Variants in EFCAB13 observed in about 807,000 individuals in gnomAD.
EFCAB13 encodes the protein EF-hand calcium-binding domain-containing protein 13.
EFCAB13 carries 91 observed loss-of-function variants against 110.2 expected under a neutral mutation model. That is an observed-to-expected ratio of 0.83 (90% CI 0.70 to 0.98). The LOEUF is 0.98. EFCAB13 is among the 50% of genes least tolerant of loss of function. The probability of loss-of-function intolerance (pLI) is 0.00; values close to 1 mark genes in which losing one functional copy is unlikely to be tolerated. For synonymous variants in EFCAB13, 323 were observed against 369.9 expected, an observed-to-expected ratio of 0.87 and a Z score of 1.45; for missense variants, 968 against 1,119.4, an observed-to-expected ratio of 0.86 and a Z score of 1.93.
rs373298768 is a variant in EFCAB13 at position 47,361,047 on chromosome 17, T to C, written c.662-331T>C. On this transcript the variant is annotated intron_variant, in intron 9 of 24. Coordinates refer to ENST00000331493, the MANE Select transcript of EFCAB13 (RefSeq NM_152347.5). ...TGTTTTAAAATTATAGACTCTGACA[T>C]TCAAAAGTAGATGTCTTGGGGACCC... Among the ~76,000 whole-genome samples, 107 of 152,328 alleles carry C rather than the reference T, an allele frequency of 7.0e-4. 1 individual carries two copies. The South Asian group carries it at 0.021, about 30-fold the overall frequency.
rs1905307410 is a variant in EFCAB13, at chr17:47,440,830, AT to A, written c.*121del. ...TAAAACTTTTGACAAATCCAGTAGA[AT>A]TTTTATCACTATCTGTTATGTTCTC... is the stretch of plus-strand genomic sequence containing the variant. On this transcript the variant is annotated 3_prime_UTR_variant, in exon 25 of 25. Transcript: ENST00000331493. 3 of 835,894 alleles carry A rather than the reference AT, an allele frequency of 3.6e-6. No homozygotes were observed. The highest frequency in any genetic ancestry group is 3.5e-5 in the Admixed American group (1 of 28,454). The allele number at this position is 835,894 out of a possible 1,614,324, so 51.8% of individuals were successfully genotyped here.
chr17:47,330,929 A>G (rs1567778635), intron 4 of EFCAB13, among the ~76,000 whole-genome samples: 2 of 151,984 alleles, frequency 1.3e-5, no homozygotes, highest in African/African-American at 2.4e-5. Context: ...CTGCACCAAC[A>G]TTTATTGTTT....
intron 23 of EFCAB13, among the ~76,000 whole-genome samples, chr17:47,427,115 A>G (rs780711555): frequency 8.5e-5 from 13 of 152,118 alleles, no homozygotes; most frequent in Non-Finnish European, 1.3e-4. Context: ...TGTAGTAGCT[A>G]CTGATTAAAA....
At chr17:47,435,717 A>C (rs1433324646) in intron 24 of EFCAB13, among the ~76,000 whole-genome samples, 2 of 88,152 alleles carry the variant, frequency 2.3e-5, no homozygotes, top group Admixed American at 2.0e-4. Flanking sequence ...TTTTGAGGTA[A>C]ACAATCATCA....
intron 24 of EFCAB13, among the ~76,000 whole-genome samples, chr17:47,439,246 G>A (rs906112447): frequency 7.6e-5 from 10 of 132,104 alleles, no homozygotes; most frequent in African/African-American, 2.3e-4. Flanking sequence ...GCACATTCTC[G>A]GCTCACTGCA....
Position 47,440,675 on chromosome 17 carries a change from G to C in EFCAB13, c.2883G>C (p.Lys961Asn), listed in dbSNP as rs765415178. 4 of 1,596,770 alleles carry C rather than the reference G, an allele frequency of 2.5e-6. No homozygotes were observed. The South Asian group carries it at 4.6e-5, about 18-fold the overall frequency. The change falls in exon 25 of 25, where the codon AAG (lysine) becomes AAC (asparagine). Residue 961 changes from lysine to asparagine, a missense_variant. Physicochemically the swap from Lys to Asn is moderately conservative, Grantham distance 94. Transcript: ENST00000331493. ...TACATAACTTCTGTTTGAATTCTAAGGCAAATATTGCTAAGCTTAACCCAA... is the reference window on the plus strand; with the variant it reads ...TACATAACTTCTGTTTGAATTCTAACGCAAATATTGCTAAGCTTAACCCAA... Reference protein sequence around the residue: ...ISLHNFCLNSKANIAKLNPNS... With the variant: ...ISLHNFCLNSNANIAKLNPNS...
chr17:47,393,939 G>T, intron 15 of EFCAB13, 86 bp from the exon 16 acceptor site: 1 of 645,784 alleles, frequency 1.5e-6, no homozygotes, highest in Non-Finnish European at 2.5e-6. Flanking sequence ...ATATATTTCT[G>T]AATATATAAC....
chr17:47,419,867 A>T lies in EFCAB13; in HGVS notation c.2494+4948A>T, dbSNP rs537010413. Among the ~76,000 whole-genome samples the T allele has an allele frequency of 3.5e-3, 532 of 151,878 alleles. 3 individuals are homozygous for T. Among genetic ancestry groups the T allele is most frequent in the African/African-American group, 7.0e-3 (288 of 41,360 alleles). On this transcript the variant is annotated intron_variant, in intron 23 of 24. Coordinates refer to ENST00000331493, the MANE Select transcript of EFCAB13 (RefSeq NM_152347.5). Reference sequence around the variant, plus strand: ...GTTTTAAAAATGAAATAATATTTTTAAAAAAAACAAAGTTCACTACCAAGA... The same window carrying T: ...GTTTTAAAAATGAAATAATATTTTTTAAAAAAACAAAGTTCACTACCAAGA...
chr17:47,354,295 A>G (rs1476769877), intron 9 of EFCAB13, among the ~76,000 whole-genome samples: 5 of 152,178 alleles, frequency 3.3e-5, no homozygotes. Context: ...GGCCTACCAT[A>G]TGGTCTATCT....
intron 9 of EFCAB13, among the ~76,000 whole-genome samples, chr17:47,357,472 A>G (rs1178467818): frequency 6.6e-6 from 1 of 152,164 alleles, no homozygotes; most frequent in Non-Finnish European, 1.5e-5. Flanking sequence ...CTGGAGTGCA[A>G]TGGCGCGATC....
chr17:47,370,542 T>C (rs1294888279), intron 11 of EFCAB13, 34 bp downstream of exon 11: 1 of 1,440,252 alleles, frequency 6.9e-7, no homozygotes, highest in Admixed American at 1.8e-5. Flanking sequence ...ACAAGTTTTG[T>C]TTATAATTAA....
rs1223242861 is a variant in EFCAB13, at chr17:47,441,095, A to T, written c.*381A>T. On this transcript the variant is annotated 3_prime_UTR_variant, in exon 25 of 25. Coordinates refer to ENST00000331493, the MANE Select transcript of EFCAB13 (RefSeq NM_152347.5). ...CTGAGCCCCTGGCAACTACTGATTC[A>T]TTCTTTGTCCCTCTAGTTTTGCCTT... is the stretch of plus-strand genomic sequence containing the variant. 6.4e-6 allele frequency: 1 copy of T among 155,228 alleles called. No individual in the cohort carries two copies. Among genetic ancestry groups the T allele is most frequent in the Non-Finnish European group, 1.4e-5 (1 of 70,248 alleles). 9.6% of individuals were successfully genotyped at this position (155,228 alleles called of 1,614,324 possible). A position where few individuals can be genotyped will look rare whatever the true frequency, so the allele number is the denominator to read the frequency against.
intron 5 of EFCAB13, among the ~76,000 whole-genome samples, chr17:47,340,665 C>T (rs1034639079): frequency 6.6e-6 from 1 of 151,232 alleles, no homozygotes; most frequent in African/African-American, 2.4e-5. Context: ...TGCAGTGATG[C>T]GATCTTGGCT....
chr17:47,425,072 C>T (rs1340697142), intron 23 of EFCAB13, among the ~76,000 whole-genome samples: 1 of 148,510 alleles, frequency 6.7e-6, no homozygotes, highest in African/African-American at 2.5e-5. Flanking sequence ...TTAGTAGAGA[C>T]GGGGTTTCAC....
At chr17:47,353,327 C>T (rs187893087) in intron 9 of EFCAB13, among the ~76,000 whole-genome samples, 316 of 151,618 alleles carry the variant, frequency 2.1e-3, no homozygotes, top group Non-Finnish European at 3.8e-3. Flanking sequence ...TGGAGTCTTG[C>T]TGTGTCATGC....
chr17:47,413,151 G>A (rs1207035197), intron 22 of EFCAB13, among the ~76,000 whole-genome samples: 1 of 152,012 alleles, frequency 6.6e-6, no homozygotes, highest in African/African-American at 2.4e-5. Flanking sequence ...TTACTTATAA[G>A]CATGGGTGGA....
intron 24 of EFCAB13, among the ~76,000 whole-genome samples, chr17:47,434,320 AAAAAT>A (rs1358293052): frequency 6.6e-6 from 1 of 152,134 alleles, no homozygotes; most frequent in Non-Finnish European, 1.5e-5. Context: ...GCTACAAAAA[AAAAAT>A]AAATAAATAC....
At chr17:47,347,191 C>T (rs76910977) in intron 8 of EFCAB13, among the ~76,000 whole-genome samples, 3,499 of 152,190 alleles carry the variant, frequency 0.023, 117 homozygotes, top group East Asian at 0.19. Context: ...TGTTTAAGCC[C>T]AGGATTTCGC....
chr17:47,345,905 CT>C (rs2065412545), intron 8 of EFCAB13, among the ~76,000 whole-genome samples: 1 of 152,010 alleles, frequency 6.6e-6, no homozygotes, highest in Admixed American at 6.6e-5. Context: ...CTTCACTACT[CT>C]CCTCAAATAC....
Sources: allele counts gnomAD v4.1 joint callset (sites outside exome capture counted in the v4.1 genomes callset), GRCh38; gene constraint gnomAD v4.1.1; transcripts MANE v1.5; gene names NCBI Gene and HGNC (gene_info 2026-07-23, HGNC 2026-07-21).